KCNQ4: variants seen among roughly 807,000 people sequenced by gnomAD.
KCNQ4 encodes potassium voltage-gated channel subfamily Q member 4, also known as potassium voltage-gated channel subfamily KQT member 4.
Under a neutral mutation model 72.6 loss-of-function variants are expected in KCNQ4, and 31 were observed. The ratio of observed to expected loss-of-function variants is 0.43; its 90% CI spans 0.32 to 0.58. KCNQ4 has a LOEUF of 0.58. KCNQ4 is among the 20% of genes least tolerant of loss of function. The probability of loss-of-function intolerance (pLI) is 0.08; values close to 1 mark genes in which losing one functional copy is unlikely to be tolerated. For synonymous variants in KCNQ4, 405 were observed against 403.7 expected (o/e 1.00, Z -0.04); for missense variants, 869 against 962.6 (o/e 0.90, Z 1.29).
At chr1:40,838,263 G>T in intron 13 of KCNQ4, 48 bp from the exon 14 acceptor site, 2 of 1,558,262 alleles carry the variant, frequency 1.3e-6, no homozygotes, top group Non-Finnish European at 8.8e-7. Flanking sequence ...CCCCGGCCGC[G>T]TCCCCTCCGG....
intron 1 of KCNQ4, among the ~76,000 whole-genome samples, chr1:40,801,823 G>A (rs1421546675): frequency 1.3e-5 from 2 of 152,174 alleles, no homozygotes; most frequent in Admixed American, 6.5e-5. Context: ...CCTGGCCCTC[G>A]GGGCCAGGAC....
chr1:40,784,323 A>G lies in KCNQ4; in HGVS notation c.230A>G (p.His77Arg), dbSNP rs1311685113. The G allele has an allele frequency of 6.2e-7, 1 of 1,607,216 alleles. No individual in the cohort carries two copies. The highest frequency in any genetic ancestry group is 1.7e-5 in the Admixed American group (1 of 59,880). The change falls in exon 1 of 14, where the codon CAC becomes CGC. Residue 77 changes from histidine (H) to arginine (R), a missense_variant. Physicochemically the swap from His to Arg is conservative, Grantham distance 29. Around this residue, in one of 5 missense-constraint regions of KCNQ4, gnomAD observed 178 missense variants for 145.3 expected, o/e 1.22. Coordinates refer to ENST00000347132, the MANE Select transcript of KCNQ4 (RefSeq NM_004700.4). The surrounding 1 kb of genome is among the most constrained non-coding windows in gnomAD (Gnocchi z 4.1). Reference sequence around the variant, plus strand: ...TGCGGCCAGCGCTCCTCGGCCGCGCACAAGCGCTACCGCCGCCTGCAGAAC... The same window carrying G: ...TGCGGCCAGCGCTCCTCGGCCGCGCGCAAGCGCTACCGCCGCCTGCAGAAC... ...SACGQRSSAA[H>R]KRYRRLQNWV...
chr1:40,835,506 T>A (rs900957259), intron 12 of KCNQ4, among the ~76,000 whole-genome samples: 1 of 152,196 alleles, frequency 6.6e-6, no homozygotes, highest in African/African-American at 2.4e-5. Flanking sequence ...AGACCCAGCA[T>A]TAGGAAGAAT....
rs1291139157 is a variant in KCNQ4 at position 40,831,304 on chromosome 1, G to A, written c.1513G>A (p.Asp505Asn). The A allele has an allele frequency of 6.3e-7, 1 of 1,591,668 alleles. No homozygotes were observed. The highest frequency in any genetic ancestry group is 8.6e-7 in the Non-Finnish European group (1 of 1,169,112). The change falls in exon 10 of 14, where the codon GAT becomes AAT. Residue 505 changes from aspartate (D) to asparagine (N), a missense_variant and splice_region_variant. Around this residue, in one of 5 missense-constraint regions of KCNQ4, gnomAD observed 480 missense variants for 501.9 expected, o/e 0.96. Transcript: ENST00000347132. Reference sequence around the variant, plus strand: ...ACTCAAACCCCGCACCTCTGCTGAGGGTAAGCCCCCGGGGGGCTGAGTCCG... The same window carrying A: ...ACTCAAACCCCGCACCTCTGCTGAGAGTAAGCCCCCGGGGGGCTGAGTCCG... ...LRLKPRTSAE[D>N]APSEEVAEEK...
intron 1 of KCNQ4, among the ~76,000 whole-genome samples, chr1:40,807,962 C>CAA (rs56145126): frequency 6.6e-6 from 1 of 151,682 alleles, no homozygotes; most frequent in East Asian, 1.9e-4. Context: ...TACTAAAAAT[C>CAA]AAAAAAAATT....
chr1:40,834,824 G>T (rs1306752333), intron 11 of KCNQ4, 143 bp from the exon 12 acceptor site: 69 of 1,072,852 alleles, frequency 6.4e-5, no homozygotes, highest in Non-Finnish European at 2.9e-5. Flanking sequence ...GGGGAGGCTG[G>T]GAGACGCAGC....
intron 1 of KCNQ4, among the ~76,000 whole-genome samples, chr1:40,792,115 CCTT>C (rs1330852629): frequency 6.6e-6 from 1 of 152,234 alleles, no homozygotes; most frequent in East Asian, 1.9e-4. Flanking sequence ...GGCTGCTCCT[CCTT>C]CTCTGCCACT....
At chr1:40,829,990 C>T (rs1479747739) in intron 9 of KCNQ4, among the ~76,000 whole-genome samples, 3 of 152,314 alleles carry the variant, frequency 2.0e-5, no homozygotes, top group South Asian at 2.1e-4. Flanking sequence ...AACTTGTTTT[C>T]CTCCAACGTT....
At chr1:40,792,104 A>AG (rs989515045) in intron 1 of KCNQ4, among the ~76,000 whole-genome samples, 2 of 152,076 alleles carry the variant, frequency 1.3e-5, no homozygotes, top group African/African-American at 4.8e-5. Flanking sequence ...GGAGGGTCAC[A>AG]GGCTGCTCCT....
At chr1:40,830,960 C>A in intron 9 of KCNQ4, 124 bp from the exon 10 acceptor site, 1 of 785,154 alleles carries the variant, frequency 1.3e-6, no homozygotes, top group Non-Finnish European at 2.2e-6. Flanking sequence ...CCCAAGAAGT[C>A]TCCGCTTGGC....
chr1:40,829,843 A>C (rs370622056), intron 9 of KCNQ4, among the ~76,000 whole-genome samples: 2,199 of 152,292 alleles, frequency 0.014, 18 homozygotes, highest in Non-Finnish European at 0.023. Context: ...CGATGACGTC[A>C]CAGGGCATGG....
intron 1 of KCNQ4, among the ~76,000 whole-genome samples, chr1:40,795,245 G>A: frequency 6.8e-6 from 1 of 148,146 alleles, no homozygotes. Context: ...GGGGGTTGTG[G>A]TGGTTTTACC....
At chr1:40,822,556 C>G (rs758912286) in intron 8 of KCNQ4, among the ~76,000 whole-genome samples, 154 bp downstream of exon 8, 1 of 152,148 alleles carries the variant, frequency 6.6e-6, no homozygotes, top group African/African-American at 2.4e-5. Context: ...TAATTCAGAG[C>G]CTGGAGTGTC....
At chr1:40,820,022 A>G in intron 6 of KCNQ4, 37 bp downstream of exon 6, 1 of 1,581,418 alleles carries the variant, frequency 6.3e-7, no homozygotes, top group Non-Finnish European at 8.7e-7. Context: ...GGGGAGGCTG[A>G]GGGTGGGACC....
At chr1:40,813,254 C>G (rs78952735) in intron 1 of KCNQ4, among the ~76,000 whole-genome samples, 1 of 152,084 alleles carries the variant, frequency 6.6e-6, no homozygotes, top group Non-Finnish European at 1.5e-5. Context: ...TTGTGGAGAG[C>G]GATGGTTTCC....
chr1:40,817,212 G>T lies in KCNQ4; in HGVS notation c.315-53G>T. On this transcript the variant is annotated intron_variant, in intron 1 of 13. Coordinates refer to ENST00000347132, the MANE Select transcript of KCNQ4 (RefSeq NM_004700.4). The surrounding 1 kb of genome is among the most constrained non-coding windows in gnomAD (Gnocchi z 5.5). ...TGTAACCCCCTGCCAGGGGCACCTT[G>T]GCTGTCCTGTCCCTCCAACAATCTA... The T allele has an allele frequency of 1.4e-6, 2 of 1,469,566 alleles. No individual in the cohort carries two copies. The highest frequency in any genetic ancestry group is 1.9e-6 in the Non-Finnish European group (2 of 1,052,958). The allele number at this position is 1,469,566 out of a possible 1,614,324, so 91.0% of individuals were successfully genotyped here. A position where few individuals can be genotyped will look rare whatever the true frequency, so the allele number is the denominator to read the frequency against.
chr1:40,816,289 C>T (rs1648083643), intron 1 of KCNQ4, among the ~76,000 whole-genome samples: 2 of 152,138 alleles, frequency 1.3e-5, no homozygotes, highest in Admixed American at 6.5e-5. Context: ...GAGGGGTGCT[C>T]CTGGAGGCCA....
chr1:40,790,115 A>G (rs904343770), intron 1 of KCNQ4, among the ~76,000 whole-genome samples: 1 of 152,206 alleles, frequency 6.6e-6, no homozygotes, highest in Non-Finnish European at 1.5e-5. Context: ...AGTGAAGAGC[A>G]CGGGCTCTGA....
chr1:40,811,644 A>C (rs1043688177), intron 1 of KCNQ4, among the ~76,000 whole-genome samples: 1 of 152,118 alleles, frequency 6.6e-6, no homozygotes, highest in Non-Finnish European at 1.5e-5. Flanking sequence ...TAGTCATGGG[A>C]TGGGGAGATG....
Sources: allele counts gnomAD v4.1 joint callset (sites outside exome capture counted in the v4.1 genomes callset), GRCh38; gene constraint gnomAD v4.1.1; regional missense constraint gnomAD v4.1.1; non-coding constraint Gnocchi (gnomAD v3.1); transcripts MANE v1.5; gene names NCBI Gene and HGNC (gene_info 2026-07-23, HGNC 2026-07-21).